SYNJ1: variants seen among roughly 807,000 people sequenced by gnomAD.
SYNJ1 encodes polyphosphatidylinositol phosphatase SYNJ1.
In SYNJ1, 78 loss-of-function variants were observed where a neutral mutation model predicts 168.2. That is an observed-to-expected ratio of 0.46 (90% CI 0.39 to 0.56). SYNJ1 has a LOEUF of 0.56. Ranked by LOEUF, SYNJ1 falls within the 20% of genes least tolerant of loss-of-function variation. SYNJ1 has a pLI of 0.00. For synonymous variants in SYNJ1, 539 were observed against 548.6 expected, an observed-to-expected ratio of 0.98 and a Z score of 0.24; for missense variants, 1,303 against 1,597.6, an observed-to-expected ratio of 0.82 and a Z score of 3.14.
chr21:32,692,121 T>C (rs1269131320), intron 6 of SYNJ1, among the ~76,000 whole-genome samples: 1 of 152,108 alleles, frequency 6.6e-6, no homozygotes, highest in Non-Finnish European at 1.5e-5. Context: ...CAGAGGATAG[T>C]AGTGGGAATA....
At chr21:32,695,993 C>T (rs1353085421) in intron 4 of SYNJ1, among the ~76,000 whole-genome samples, 1 of 151,990 alleles carries the variant, frequency 6.6e-6, no homozygotes. Flanking sequence ...ACCACAGGCG[C>T]CCACCACCAT....
At chr21:32,674,024 G>C (rs1312409389) in intron 13 of SYNJ1, among the ~76,000 whole-genome samples, 1 of 152,178 alleles carries the variant, frequency 6.6e-6, no homozygotes, top group African/African-American at 2.4e-5. Context: ...ATGAATAATG[G>C]CTCCTTGAGA....
intron 18 of SYNJ1, among the ~76,000 whole-genome samples, chr21:32,661,936 A>G (rs906861480): frequency 6.6e-6 from 1 of 152,090 alleles, no homozygotes; most frequent in African/African-American, 2.4e-5. Context: ...CCGTCAGCTT[A>G]TTCTCCCCAG....
intron 23 of SYNJ1, among the ~76,000 whole-genome samples, chr21:32,649,517 C>G (rs1478831089): frequency 2.0e-5 from 3 of 152,170 alleles, no homozygotes; most frequent in Admixed American, 2.0e-4. Context: ...AGGAAATTTT[C>G]GGCGTAATTA....
intron 4 of SYNJ1, among the ~76,000 whole-genome samples, chr21:32,696,638 C>T (rs1363527415): frequency 2.6e-5 from 4 of 152,270 alleles, no homozygotes; most frequent in African/African-American, 9.6e-5. Context: ...TACTTAAGTG[C>T]TCCGTACTCT....
chr21:32,720,914 T>C (rs1038909176), intron 2 of SYNJ1, among the ~76,000 whole-genome samples: 1 of 152,236 alleles, frequency 6.6e-6, no homozygotes, highest in Non-Finnish European at 1.5e-5. Context: ...TGAGATGGGC[T>C]GTAAAATATT....
At chr21:32,725,365 T>G (rs2043408144) in intron 2 of SYNJ1, among the ~76,000 whole-genome samples, 1 of 152,188 alleles carries the variant, frequency 6.6e-6, no homozygotes, top group African/African-American at 2.4e-5. Context: ...GCAATGGAAA[T>G]TAATACTGTA....
chr21:32,638,789 GA>G, intron 31 of SYNJ1, 118 bp downstream of exon 31: 1 of 970,426 alleles, frequency 1.0e-6, no homozygotes, highest in East Asian at 2.7e-5. Flanking sequence ...AATATAAAAA[GA>G]AAATTAAAAC....
At chr21:32,647,323 G>A (rs1171545025) in intron 23 of SYNJ1, among the ~76,000 whole-genome samples, 1 of 152,158 alleles carries the variant, frequency 6.6e-6, no homozygotes, top group Non-Finnish European at 1.5e-5. Context: ...CACTCACTGA[G>A]GACTAAGCAG....
At chr21:32,635,470 C>A (rs2039526744) in intron 31 of SYNJ1, among the ~76,000 whole-genome samples, 1 of 152,096 alleles carries the variant, frequency 6.6e-6, no homozygotes, top group Non-Finnish European at 1.5e-5. Flanking sequence ...GTGCCCTCAC[C>A]AGAACTCAAC....
At chr21:32,665,819 T>C (rs770898098) in intron 17 of SYNJ1, 124 bp downstream of exon 17, 5 of 1,001,412 alleles carry the variant, frequency 5.0e-6, no homozygotes, top group Non-Finnish European at 7.0e-6. Context: ...AATATCTATT[T>C]AGGTGAATAT....
rs61756207 is a variant in SYNJ1 at position 32,657,035 on chromosome 21, A to G, written c.2547T>C (p.Tyr849=). 6.2e-7 allele frequency: 1 copy of G among 1,614,212 alleles called. No homozygotes were observed. Among genetic ancestry groups the G allele is most frequent in the Non-Finnish European group, 8.5e-7 (1 of 1,180,044 alleles). Residue 849 remains tyrosine, a synonymous_variant, in exon 20 of 33, where the codon TAT becomes TAC. Coordinates refer to ENST00000674351, the MANE Select transcript of SYNJ1 (RefSeq NM_203446.3). ...CAGAAGTCTTCAGCTCAGCTCTTCC[A>G]TAGTGCAGCAAAGTGCCTGGAGTCC... The part of the protein sequence containing the change: ...YTWTPGTLLH[Y]GRAELKTSDH...
chr21:32,676,500 C>G lies in SYNJ1; in HGVS notation c.1511-145G>C, dbSNP rs1170762493. 3 of 653,568 alleles carry G rather than the reference C, an allele frequency of 4.6e-6. No homozygotes were observed. In the African/African-American group the frequency reaches 5.6e-5, roughly 12 times the overall value. The allele number at this position is 653,568 out of a possible 1,614,324, so 40.5% of individuals were successfully genotyped here. ...ATTTTTTTCTGATAGCTATAGAACA[C>G]CAAGTGTTACAAATAAACGACAATG... On this transcript the variant is annotated intron_variant, in intron 12 of 32. Coordinates refer to ENST00000674351, the MANE Select transcript of SYNJ1 (RefSeq NM_203446.3).
chr21:32,665,253 A>G (rs1307895908), intron 17 of SYNJ1, among the ~76,000 whole-genome samples, 182 bp from the exon 18 acceptor site: 2 of 152,230 alleles, frequency 1.3e-5, no homozygotes, highest in Admixed American at 6.5e-5. Flanking sequence ...GCCCAGAGAA[A>G]AATCAAGCCA....
chr21:32,708,876 T>C (rs1426325587), intron 2 of SYNJ1, among the ~76,000 whole-genome samples: 2 of 151,928 alleles, frequency 1.3e-5, no homozygotes, highest in Non-Finnish European at 1.5e-5. Flanking sequence ...CCTAACACTT[T>C]AAGAGGCCAA....
At chr21:32,718,057 T>A (rs1183065316) in intron 2 of SYNJ1, among the ~76,000 whole-genome samples, 1 of 152,240 alleles carries the variant, frequency 6.6e-6, no homozygotes, top group Non-Finnish European at 1.5e-5. Flanking sequence ...TTTGTTGTTG[T>A]TACTTAAGGT....
chr21:32,711,680 T>C (rs116088808), intron 2 of SYNJ1, among the ~76,000 whole-genome samples: 1,800 of 152,328 alleles, frequency 0.012, 35 homozygotes, highest in African/African-American at 0.04. Context: ...TTCAGCATTG[T>C]TGTATTACAA....
intron 22 of SYNJ1, among the ~76,000 whole-genome samples, chr21:32,652,900 TA>T (rs2040325234): frequency 1.3e-5 from 2 of 152,336 alleles, no homozygotes; most frequent in South Asian, 2.1e-4. Context: ...TTCCTAGGAA[TA>T]ATGAGCACCT....
intron 31 of SYNJ1, among the ~76,000 whole-genome samples, chr21:32,637,345 CATT>C (rs2039615735): frequency 6.7e-6 from 1 of 148,816 alleles, no homozygotes; most frequent in African/African-American, 2.5e-5. Context: ...AAAAAAAAAT[CATT>C]ATTTGAAAGA....
Sources: allele counts gnomAD v4.1 joint callset (sites outside exome capture counted in the v4.1 genomes callset), GRCh38; gene constraint gnomAD v4.1.1; transcripts MANE v1.5; gene names NCBI Gene and HGNC (gene_info 2026-07-23, HGNC 2026-07-21).